The following CCSER1 variants were observed in gnomAD, a reference collection of about 807,000 sequenced individuals.
CCSER1 encodes the protein serine-rich coiled-coil domain-containing protein 1.
CCSER1 carries 41 observed loss-of-function variants against 82.0 expected under a neutral mutation model. That is an observed-to-expected ratio of 0.50 (90% CI 0.39 to 0.65). CCSER1 has a LOEUF of 0.65. Ranked by LOEUF, CCSER1 falls within the 30% of genes least tolerant of loss-of-function variation. CCSER1 has a pLI of 0.00. For synonymous variants in CCSER1, 414 were observed against 383.9 expected (o/e 1.08, Z -0.92); for missense variants, 1,119 against 1,064.2 (o/e 1.05, Z -0.72).
At position 90,308,271 on chromosome 4, in the gene CCSER1, G is replaced by C; in HGVS notation, c.-14G>C. The C allele has an allele frequency of 6.4e-7, 1 of 1,550,868 alleles. No individual in the cohort carries two copies. Among genetic ancestry groups the C allele is most frequent in the Non-Finnish European group, 8.7e-7 (1 of 1,149,216 alleles). Reference sequence around the variant, plus strand: ...TGCAAAGTTGGCTTTCACAGTGCAAGCCTTTGATTCCCAATGGGGGACTCA... The same window carrying C: ...TGCAAAGTTGGCTTTCACAGTGCAACCCTTTGATTCCCAATGGGGGACTCA... On this transcript the variant is annotated 5_prime_UTR_variant, in exon 2 of 11. Coordinates refer to ENST00000509176, the MANE Select transcript of CCSER1 (RefSeq NM_001145065.2).
At chr4:91,052,511 G>T (rs924478894) in intron 9 of CCSER1, among the ~76,000 whole-genome samples, 7 of 152,048 alleles carry the variant, frequency 4.6e-5, no homozygotes, top group Non-Finnish European at 8.8e-5. Flanking sequence ...TTGAAACAAG[G>T]TGGTTTCAAC....
intron 10 of CCSER1, among the ~76,000 whole-genome samples, chr4:91,179,168 T>C (rs1235075502): frequency 6.6e-6 from 1 of 152,210 alleles, no homozygotes; most frequent in African/African-American, 2.4e-5. Flanking sequence ...TGCCAAGAGA[T>C]ACACTGTTGG....
intron 9 of CCSER1, among the ~76,000 whole-genome samples, chr4:90,994,767 C>T (rs1275044001): frequency 1.3e-5 from 2 of 152,174 alleles, no homozygotes; most frequent in Middle Eastern, 3.4e-3. Flanking sequence ...AGTTGTTATA[C>T]CTTTTAGTGT....
chr4:90,599,388 C>T lies in CCSER1; in HGVS notation c.1725-28637C>T, dbSNP rs115438302. 2.2e-3 allele frequency among the ~76,000 whole-genome samples: 337 copies of T among 152,212 alleles called. 1 individual carries two copies. Among genetic ancestry groups the T allele is most frequent in the African/African-American group, 7.4e-3 (307 of 41,542 alleles). On this transcript the variant is annotated intron_variant, in intron 5 of 10. Coordinates refer to ENST00000509176, the MANE Select transcript of CCSER1 (RefSeq NM_001145065.2). ...TTCTCTCTCCTCTCGCCATGTAAGA[C>T]GTGCCTTGCTTCCCCTTCACCTTCT...
intron 10 of CCSER1, among the ~76,000 whole-genome samples, chr4:91,231,430 T>C (rs1738618263): frequency 6.6e-6 from 1 of 151,858 alleles, no homozygotes; most frequent in African/African-American, 2.4e-5. Context: ...ATATGTTTTT[T>C]CATATACATA....
At chr4:90,863,511 C>T (rs570646239) in intron 8 of CCSER1, among the ~76,000 whole-genome samples, 8 of 151,948 alleles carry the variant, frequency 5.3e-5, no homozygotes, top group South Asian at 2.1e-4. Flanking sequence ...ACACCCTTTT[C>T]GTTTCCTTTA....
intron 5 of CCSER1, among the ~76,000 whole-genome samples, chr4:90,514,069 C>T (rs1771918267): frequency 6.6e-6 from 1 of 152,216 alleles, no homozygotes; most frequent in African/African-American, 2.4e-5. Flanking sequence ...TGGAGAAGAA[C>T]ATTTACAAAG....
intron 10 of CCSER1, among the ~76,000 whole-genome samples, chr4:91,361,885 A>G (rs141466546): frequency 7.2e-5 from 11 of 151,932 alleles, no homozygotes; most frequent in Admixed American, 3.9e-4. Context: ...AAATGAATGT[A>G]TACTCTATAT....
intron 4 of CCSER1, among the ~76,000 whole-genome samples, chr4:90,400,959 A>G (rs1463760572): frequency 6.6e-6 from 1 of 152,154 alleles, no homozygotes; most frequent in Non-Finnish European, 1.5e-5. Context: ...AGTCTCTTAT[A>G]TGGTAGTGTC....
chr4:91,206,540 A>C (rs1310491963), intron 10 of CCSER1, among the ~76,000 whole-genome samples: 2 of 151,936 alleles, frequency 1.3e-5, no homozygotes, highest in African/African-American at 4.8e-5. Flanking sequence ...AATTACAACA[A>C]TATAGAGAAG....
intron 5 of CCSER1, among the ~76,000 whole-genome samples, chr4:90,490,759 C>T (rs1187790628): frequency 6.6e-6 from 1 of 152,124 alleles, no homozygotes; most frequent in South Asian, 2.1e-4. Flanking sequence ...GTTTTCCCAG[C>T]ACCATTTTTT....
intron 5 of CCSER1, among the ~76,000 whole-genome samples, chr4:90,604,826 CA>C (rs1784436982): frequency 6.6e-6 from 1 of 152,084 alleles, no homozygotes; most frequent in Non-Finnish European, 1.5e-5. Context: ...ACTGTGTGTC[CA>C]GCTCAAGGTT....
At chr4:91,166,240 AT>A (rs1467876430) in intron 10 of CCSER1, among the ~76,000 whole-genome samples, 7 of 152,346 alleles carry the variant, frequency 4.6e-5, no homozygotes, top group Non-Finnish European at 7.3e-5. Context: ...GAATTACTAA[AT>A]TTTTAAAAAT....
At chr4:91,303,862 T>C (rs1410640627) in intron 10 of CCSER1, among the ~76,000 whole-genome samples, 1 of 151,850 alleles carries the variant, frequency 6.6e-6, no homozygotes, top group South Asian at 2.1e-4. Context: ...AAAATAAAAA[T>C]TGTATCATGT....
chr4:90,662,878 C>G (rs1399092936), intron 6 of CCSER1, among the ~76,000 whole-genome samples: 2 of 152,080 alleles, frequency 1.3e-5, no homozygotes, highest in Non-Finnish European at 2.9e-5. Flanking sequence ...CCAATGATGT[C>G]TCTTAAATCA....
chr4:91,475,322 A>G lies in CCSER1; in HGVS notation c.2218-123250A>G, dbSNP rs186482213. 1.6e-4 allele frequency among the ~76,000 whole-genome samples: 24 copies of G among 152,038 alleles called. 1 individual carries two copies. In the East Asian group the frequency reaches 4.6e-3, roughly 29 times the overall value. ...TAGATATAGGGATAGTAAATAAGAA[A>G]TGCTCTTACTTCACTTGAAAATTTT... is the stretch of plus-strand genomic sequence containing the variant. On this transcript the variant is annotated intron_variant, in intron 10 of 10. Transcript: ENST00000509176.
chr4:91,429,228 G>A (rs747715949), intron 10 of CCSER1, among the ~76,000 whole-genome samples: 2 of 151,512 alleles, frequency 1.3e-5, no homozygotes, highest in Non-Finnish European at 3.0e-5. Context: ...TTCTGTTTTG[G>A]TCTTTCAGAG....
intron 5 of CCSER1, among the ~76,000 whole-genome samples, chr4:90,478,410 G>C (rs988243794): frequency 1.3e-5 from 2 of 151,914 alleles, no homozygotes; most frequent in African/African-American, 4.8e-5. Flanking sequence ...TTTTCTTTTT[G>C]AAATATTGTG....
intron 1 of CCSER1, among the ~76,000 whole-genome samples, chr4:90,249,737 T>C (rs186132435): frequency 6.6e-6 from 1 of 152,160 alleles, no homozygotes; most frequent in Non-Finnish European, 1.5e-5. Context: ...TTTTTATTGA[T>C]CCATTGATGA....
Sources: allele counts gnomAD v4.1 joint callset (sites outside exome capture counted in the v4.1 genomes callset), GRCh38; gene constraint gnomAD v4.1.1; transcripts MANE v1.5; gene names NCBI Gene and HGNC (gene_info 2026-07-23, HGNC 2026-07-21).